The following PTPN13 variants were observed in gnomAD, a reference collection of about 807,000 sequenced individuals.
PTPN13 encodes protein tyrosine phosphatase non-receptor type 13, also known as tyrosine-protein phosphatase non-receptor type 13.
A neutral mutation model predicts 284.0 loss-of-function variants in PTPN13; 191 were observed. The observed-to-expected ratio is 0.67, with a 90% CI of 0.60 to 0.76. The LOEUF is 0.76. PTPN13 is among the 30% of genes least tolerant of loss of function. The pLI is 0.00. For synonymous variants in PTPN13, 986 were observed against 1,022.3 expected, an observed-to-expected ratio of 0.96 and a Z score of 0.68; for missense variants, 2,797 against 2,939.9, an observed-to-expected ratio of 0.95 and a Z score of 1.12.
At chr4:86,812,795 C>A (rs940905961) in intron 47 of PTPN13, among the ~76,000 whole-genome samples, 2 of 152,024 alleles carry the variant, frequency 1.3e-5, no homozygotes, top group African/African-American at 4.8e-5. Flanking sequence ...TTTGGCTTTT[C>A]TCTGAGTGAA....
intron 6 of PTPN13, among the ~76,000 whole-genome samples, chr4:86,699,846 T>G (rs765310499): frequency 6.6e-6 from 1 of 152,176 alleles, no homozygotes; most frequent in Non-Finnish European, 1.5e-5. Context: ...CAAATGTGGT[T>G]TGTTTAAGAA....
chr4:86,769,952 A>G lies in PTPN13; in HGVS notation c.4673A>G (p.Asn1558Ser), dbSNP rs1409501574. The G allele has an allele frequency of 5.0e-6, 8 of 1,613,848 alleles. No individual in the cohort carries two copies. The highest frequency in any genetic ancestry group is 6.8e-6 in the Non-Finnish European group (8 of 1,179,878). Residue 1558 changes from asparagine (N) to serine (S), a missense_variant, in exon 29 of 48, where the codon AAT becomes AGT. Transcript: ENST00000411767. ...GTAGGAGATGTTATCTTGAAAGTGA[A>G]TGGAGCCTCTTTGAAAGGACTATCT... is the stretch of plus-strand genomic sequence containing the variant. ...IDVGDVILKV[N>S]GASLKGLSQQ...
At chr4:86,725,473 G>C (rs1201688661) in intron 10 of PTPN13, among the ~76,000 whole-genome samples, 1 of 149,452 alleles carries the variant, frequency 6.7e-6, no homozygotes, top group East Asian at 1.9e-4. Flanking sequence ...ATCCTCTCCA[G>C]CATCTGTTGT....
In PTPN13 at chr4:86,701,327, A is replaced by G. The variant is rs200893094; in HGVS notation, c.721A>G (p.Met241Val). 3.7e-6 allele frequency: 6 copies of G among 1,612,558 alleles called. No homozygotes were observed. The highest frequency in any genetic ancestry group is 2.2e-5 in the East Asian group (1 of 44,876). The part of the protein sequence containing the change: ...TFLNKGLSKS[M>V]GFLSIKDTQD... ...TCTTAACAAAGGGCTTAGTAAATCT[A>G]TGGGATTTCTGTCCATCAAAGATAC... The change falls in exon 7 of 48, where the codon ATG becomes GTG. Residue 241 changes from methionine to valine, a missense_variant. By Grantham distance (21) the Met-to-Val change is conservative (BLOSUM62 1). Transcript: ENST00000411767.
At chr4:86,781,430 TTAAAA>T (rs1741290708) in intron 36 of PTPN13, among the ~76,000 whole-genome samples, 1 of 152,254 alleles carries the variant, frequency 6.6e-6, no homozygotes, top group South Asian at 2.1e-4. Context: ...TAGCTAAGAA[TTAAAA>T]TTAACATTTG....
intron 21 of PTPN13, among the ~76,000 whole-genome samples, 157 bp downstream of exon 21, chr4:86,758,506 C>T (rs566576638): frequency 6.6e-6 from 1 of 152,290 alleles, no homozygotes; most frequent in East Asian, 1.9e-4. Context: ...CGCCCAGTCA[C>T]CAAATGCCTA....
In PTPN13 at chr4:86,635,361, A is replaced by T; in HGVS notation, c.105A>T (p.Leu35Phe). ...LNQSAESLQE[L>F]FRKVSLADPA... is the part of the protein sequence containing the mutation. ...AAAGTGCTGAAAGTCTCCAAGAATT[A>T]TTCAGAAAAGGTAAGCTGCTGCTGC... The change falls in exon 2 of 48, where the codon TTA becomes TTT. Residue 35 changes from leucine (L) to phenylalanine (F), a missense_variant. Transcript: ENST00000411767. 1 of 1,596,564 alleles carries T rather than the reference A, an allele frequency of 6.3e-7. No individual in the cohort carries two copies. Among genetic ancestry groups the T allele is most frequent in the Non-Finnish European group, 8.5e-7 (1 of 1,171,404 alleles).
intron 7 of PTPN13, among the ~76,000 whole-genome samples, chr4:86,712,366 A>G (rs1005069241): frequency 6.6e-6 from 1 of 151,548 alleles, no homozygotes; most frequent in African/African-American, 2.4e-5. Context: ...CAGAGAACCA[A>G]GAAATGTTTC....
Position 86,796,869 on chromosome 4 carries a change from TG to T in PTPN13, c.6346-4del. The T allele has an allele frequency of 6.8e-7, 1 of 1,471,380 alleles. No individual in the cohort carries two copies. Among genetic ancestry groups the T allele is most frequent in the Non-Finnish European group, 9.3e-7 (1 of 1,070,710 alleles). The allele number at this position is 1,471,380 out of a possible 1,614,324, so 91.1% of individuals were successfully genotyped here. Reference sequence around the variant, plus strand: ...TGATTTGATTCTTATATATTTTTATTGTAGGCCACCAAAATGAATGGCTGTG... The same window carrying T: ...TGATTTGATTCTTATATATTTTTATTTAGGCCACCAAAATGAATGGCTGTG... On this transcript the variant is annotated splice_polypyrimidine_tract_variant and splice_region_variant and intron_variant, in intron 40 of 47. Coordinates refer to ENST00000411767, the MANE Select transcript of PTPN13 (RefSeq NM_080683.3).
chr4:86,786,773 A>C (rs1466007471), intron 40 of PTPN13, among the ~76,000 whole-genome samples: 1 of 152,152 alleles, frequency 6.6e-6, no homozygotes, highest in African/African-American at 2.4e-5. Context: ...AATGTCTTTT[A>C]ACTAAGAAAA....
chr4:86,808,982 A>G (rs915616749), intron 45 of PTPN13, among the ~76,000 whole-genome samples: 1 of 152,180 alleles, frequency 6.6e-6, no homozygotes, highest in African/African-American at 2.4e-5. Context: ...CATGGAGGGA[A>G]TATCTGAGGA....
At chr4:86,719,341 T>C (rs940752981) in intron 9 of PTPN13, among the ~76,000 whole-genome samples, 1 of 152,204 alleles carries the variant, frequency 6.6e-6, no homozygotes, top group African/African-American at 2.4e-5. Context: ...AGTATTCCAT[T>C]GTGTATATGT....
chr4:86,595,103 G>A (rs1342421606), intron 1 of PTPN13, among the ~76,000 whole-genome samples: 1 of 152,130 alleles, frequency 6.6e-6, no homozygotes, highest in Non-Finnish European at 1.5e-5. Flanking sequence ...GAGATTGTGG[G>A]GTAATAGGGA....
chr4:86,703,403 G>A (rs1448406599), intron 7 of PTPN13, among the ~76,000 whole-genome samples: 1 of 151,016 alleles, frequency 6.6e-6, no homozygotes, highest in East Asian at 1.9e-4. Context: ...ATGCCCTCAT[G>A]GAAACAATTA....
At position 86,803,772 on chromosome 4, in the gene PTPN13, G is replaced by A. The variant is rs976819889; in HGVS notation, c.6569G>A (p.Gly2190Asp). 3 of 1,613,762 alleles carry A rather than the reference G, an allele frequency of 1.9e-6. No individual in the cohort carries two copies. The highest frequency in any genetic ancestry group is 2.5e-6 in the Non-Finnish European group (3 of 1,179,846). ...VLPVVKVLPS[G>D]KYTGANLKSV... is the part of the protein sequence containing the mutation. Reference sequence around the variant, plus strand: ...CCTGTCGTCAAAGTGCTTCCCTCTGGTAAATACACGGGTGCCAACTTAAAA... The same window carrying A: ...CCTGTCGTCAAAGTGCTTCCCTCTGATAAATACACGGGTGCCAACTTAAAA... Residue 2190 changes from glycine to aspartate, a missense_variant, in exon 43 of 48, where the codon GGT becomes GAT. Coordinates refer to ENST00000411767, the MANE Select transcript of PTPN13 (RefSeq NM_080683.3).
At chr4:86,702,054 G>C (rs777433597) in intron 7 of PTPN13, among the ~76,000 whole-genome samples, 3 of 152,146 alleles carry the variant, frequency 2.0e-5, no homozygotes, top group Non-Finnish European at 2.9e-5. Context: ...ATTTGGGATA[G>C]TATATTTTTA....
At chr4:86,610,195 A>G (rs1197666839) in intron 1 of PTPN13, among the ~76,000 whole-genome samples, 1 of 152,124 alleles carries the variant, frequency 6.6e-6, no homozygotes, top group East Asian at 1.9e-4. Flanking sequence ...GCCAGACGAC[A>G]GCAAAACTCC....
chr4:86,659,688 C>T (rs540451162), intron 2 of PTPN13, among the ~76,000 whole-genome samples: 6 of 151,974 alleles, frequency 3.9e-5, no homozygotes, highest in South Asian at 2.1e-4. Context: ...TGGTGGTGCA[C>T]GCCTGTAGTC....
chr4:86,602,096 A>C (rs1252884537), intron 1 of PTPN13, among the ~76,000 whole-genome samples: 1 of 152,200 alleles, frequency 6.6e-6, no homozygotes, highest in Admixed American at 6.5e-5. Context: ...TGTAAAACTT[A>C]GCAAACATGT....
Sources: gnomAD v4.1 joint callset for allele counts (sites outside exome capture counted in the v4.1 genomes callset) on GRCh38, gnomAD v4.1.1 for gene constraint, MANE v1.5 for transcripts, NCBI Gene and HGNC (gene_info 2026-07-23, HGNC 2026-07-21) for gene names.